PDZRN3: variants seen among roughly 807,000 people sequenced by gnomAD.
The protein encoded by PDZRN3 is PDZ domain containing ring finger 3.
PDZRN3 carries 38 observed loss-of-function variants against 85.7 expected under a neutral mutation model. That is an observed-to-expected ratio of 0.44 (90% CI 0.34 to 0.58). The LOEUF (loss-of-function observed/expected upper bound fraction) is 0.58. PDZRN3 is among the 20% of genes least tolerant of loss of function. The pLI, the probability that PDZRN3 is intolerant of heterozygous loss-of-function variation, is 0.01. For missense variants in PDZRN3, 1,629 were observed against 1,506.4 expected (o/e 1.08, Z -1.35); for synonymous variants, 759 against 638.0 (o/e 1.19, Z -2.86).
Position 73,384,405 on chromosome 3 carries a change from G to C in PDZRN3, c.2161C>G (p.Leu721Val), listed in dbSNP as rs1446460372. The change falls in exon 10 of 10, where the codon CTG becomes GTG. Residue 721 changes from leucine to valine, a missense_variant. Transcript: ENST00000263666. ...TAGTTGCGGAAGCCGCTGTTGTGCA[G>C]CATCCAGGACTCGCGGTACTGCTCC... Reference protein sequence around the residue: ...LKEQYRESWMLHNSGFRNYNT... With the variant: ...LKEQYRESWMVHNSGFRNYNT... 6.2e-7 allele frequency: 1 copy of C among 1,609,714 alleles called. No homozygotes were observed. Among genetic ancestry groups the C allele is most frequent in the Non-Finnish European group, 8.5e-7 (1 of 1,179,952 alleles).
chr3:73,411,762 G>T (rs758114597), intron 3 of PDZRN3, among the ~76,000 whole-genome samples: 1 of 152,180 alleles, frequency 6.6e-6, no homozygotes, highest in Non-Finnish European at 1.5e-5. Flanking sequence ...CATGAAAGTC[G>T]CTATCAGCCA....
intron 3 of PDZRN3, among the ~76,000 whole-genome samples, chr3:73,426,369 T>C (rs541717486): frequency 6.3e-4 from 96 of 152,290 alleles, no homozygotes; most frequent in Admixed American, 5.0e-3. Flanking sequence ...TTCAGCTTAT[T>C]CTTTATCACA....
chr3:73,385,865 T>C, intron 8 of PDZRN3, 80 bp from the exon 9 acceptor site: 1 of 835,082 alleles, frequency 1.2e-6, no homozygotes, highest in East Asian at 2.4e-5. Flanking sequence ...TGACATTACC[T>C]TGGGGGAAAA....
chr3:73,407,376 T>C (rs1701876002), intron 3 of PDZRN3, among the ~76,000 whole-genome samples: 1 of 152,164 alleles, frequency 6.6e-6, no homozygotes, highest in African/African-American at 2.4e-5. Context: ...GTCCTAATAA[T>C]ATCACTGAAT....
intron 3 of PDZRN3, among the ~76,000 whole-genome samples, chr3:73,487,974 A>G (rs1037019692): frequency 6.6e-6 from 1 of 152,184 alleles, no homozygotes; most frequent in Non-Finnish European, 1.5e-5. Context: ...TTATATGCCT[A>G]CTGTGGGCTG....
intron 3 of PDZRN3, among the ~76,000 whole-genome samples, chr3:73,555,763 G>A (rs1444136236): frequency 6.6e-6 from 1 of 152,052 alleles, no homozygotes; most frequent in East Asian, 1.9e-4. Context: ...GAAAGTCAAT[G>A]GTAACCTTGG....
intron 3 of PDZRN3, among the ~76,000 whole-genome samples, chr3:73,522,559 A>C (rs1227758309): frequency 3.9e-5 from 6 of 152,198 alleles, no homozygotes; most frequent in African/African-American, 1.2e-4. Flanking sequence ...TGATGTGAGA[A>C]TCAAATACAG....
chr3:73,403,043 A>G (rs1575625612), intron 4 of PDZRN3, among the ~76,000 whole-genome samples: 2 of 148,296 alleles, frequency 1.3e-5, no homozygotes, highest in East Asian at 4.0e-4. Flanking sequence ...TCCCGGGTTC[A>G]CGCCATTCTC....
At chr3:73,547,015 A>G (rs1335259759) in intron 3 of PDZRN3, among the ~76,000 whole-genome samples, 1 of 152,224 alleles carries the variant, frequency 6.6e-6, no homozygotes, top group Non-Finnish European at 1.5e-5. Context: ...TGCCTCTGAA[A>G]GGCACAGCAC....
rs765413096 is a variant in PDZRN3 at position 73,384,126 on chromosome 3, C to T, written c.2440G>A (p.Asp814Asn). ...ASKNLLSITE[D>N]PEVGTPTYSP... ...TAGGTAGGGGTGCCCACTTCGGGAT[C>T]TTCCGTGATGGAGAGCAGATTCTTG... Residue 814 changes from aspartate to asparagine, a missense_variant, in exon 10 of 10, where the codon GAT (aspartate) becomes AAT (asparagine). Coordinates refer to ENST00000263666, the MANE Select transcript of PDZRN3 (RefSeq NM_015009.3). The T allele has an allele frequency of 1.2e-6, 2 of 1,614,090 alleles. No individual in the cohort carries two copies. Among genetic ancestry groups the T allele is most frequent in the Non-Finnish European group, 1.7e-6 (2 of 1,180,028 alleles).
chr3:73,494,724 T>C (rs972308858), intron 3 of PDZRN3, among the ~76,000 whole-genome samples: 1 of 152,214 alleles, frequency 6.6e-6, no homozygotes, highest in African/African-American at 2.4e-5. Context: ...CTATGATCTT[T>C]TTCTTCTGCA....
intron 3 of PDZRN3, among the ~76,000 whole-genome samples, chr3:73,568,686 C>CCT (rs1456114493): frequency 1.3e-5 from 2 of 152,194 alleles, no homozygotes; most frequent in Non-Finnish European, 2.9e-5. Context: ...TTGGGACTTG[C>CCT]TGGCCAACAA....
chr3:73,521,684 T>C (rs1704370141), intron 3 of PDZRN3, among the ~76,000 whole-genome samples: 1 of 151,098 alleles, frequency 6.6e-6, no homozygotes, highest in Non-Finnish European at 1.5e-5. Flanking sequence ...GTAATTATTC[T>C]TCTTATTATT....
chr3:73,581,423 A>G (rs1010928450), intron 3 of PDZRN3, among the ~76,000 whole-genome samples: 2 of 152,148 alleles, frequency 1.3e-5, no homozygotes, highest in Non-Finnish European at 2.9e-5. Context: ...ATATTTTAAG[A>G]TTTCATTTCT....
At chr3:73,490,024 A>G (rs1348042050) in intron 3 of PDZRN3, among the ~76,000 whole-genome samples, 1 of 152,192 alleles carries the variant, frequency 6.6e-6, no homozygotes, top group East Asian at 1.9e-4. Context: ...ACATCTCTTT[A>G]TGTGTGAATG....
chr3:73,397,885 T>A (rs747673777), intron 5 of PDZRN3, among the ~76,000 whole-genome samples: 1 of 152,152 alleles, frequency 6.6e-6, no homozygotes, highest in Non-Finnish European at 1.5e-5. Context: ...TCAAAGGGGC[T>A]AGAGATGGAG....
intron 3 of PDZRN3, among the ~76,000 whole-genome samples, chr3:73,410,372 G>A (rs757004516): frequency 9.9e-5 from 15 of 152,120 alleles, no homozygotes; most frequent in Non-Finnish European, 1.9e-4. Context: ...AGGAAAGTAC[G>A]TCTACTTCAG....
In PDZRN3 at chr3:73,427,610, C is replaced by T. The variant is rs148755807; in HGVS notation, c.919-23215G>A. ...GGGGCTGTCTTCTCCCTTGTGACCCCGTACCATCTGCCTCATGGCAACGTG... is the reference window on the plus strand; with the variant it reads ...GGGGCTGTCTTCTCCCTTGTGACCCTGTACCATCTGCCTCATGGCAACGTG... On this transcript the variant is annotated intron_variant, in intron 3 of 9. Coordinates refer to ENST00000263666, the MANE Select transcript of PDZRN3 (RefSeq NM_015009.3). 1.9e-3 allele frequency among the ~76,000 whole-genome samples: 282 copies of T among 152,320 alleles called. 1 individual carries two copies. The highest frequency in any genetic ancestry group is 6.8e-3 in the Middle Eastern group (2 of 294).
chr3:73,391,120 G>C lies in PDZRN3; in HGVS notation c.1255-4C>G. The C allele has an allele frequency of 6.3e-7, 1 of 1,594,540 alleles. No individual in the cohort carries two copies. Among genetic ancestry groups the C allele is most frequent in the Admixed American group, 1.7e-5 (1 of 59,842 alleles). On this transcript the variant is annotated splice_polypyrimidine_tract_variant and splice_region_variant and intron_variant, in intron 5 of 9. Transcript: ENST00000263666. Reference sequence around the variant, plus strand: ...TCATTCTGTAGAGGTCCACTTCCTAGACAAAGAAAGGCATTCCCAGTGAGA... The same window carrying C: ...TCATTCTGTAGAGGTCCACTTCCTACACAAAGAAAGGCATTCCCAGTGAGA...
Sources: allele counts gnomAD v4.1 joint callset (sites outside exome capture counted in the v4.1 genomes callset), GRCh38; gene constraint gnomAD v4.1.1; transcripts MANE v1.5; gene names NCBI Gene and HGNC (gene_info 2026-07-23, HGNC 2026-07-21).